Variants in XPO1 observed in about 807,000 individuals in gnomAD.
XPO1 encodes exportin 1.
A neutral mutation model predicts 133.3 loss-of-function variants in XPO1; 5 were observed. That is an observed-to-expected ratio of 0.04 (90% CI 0.02 to 0.08). XPO1 has a LOEUF of 0.08. XPO1 is among the 10% of genes least tolerant of loss of function. The probability of loss-of-function intolerance (pLI) is 1.00; values close to 1 mark genes in which losing one functional copy is unlikely to be tolerated. For synonymous variants in XPO1, 419 were observed against 408.2 expected (o/e 1.03, Z -0.32); for missense variants, 506 against 1,267.5 (o/e 0.40, Z 9.12).
chr2:61,517,947 C>T (rs186303028), intron 4 of XPO1, among the ~76,000 whole-genome samples: 5 of 151,710 alleles, frequency 3.3e-5, no homozygotes, highest in African/African-American at 1.2e-4. Flanking sequence ...GTCAACATGG[C>T]GAAACCCTGT....
At chr2:61,535,432 T>G (rs1300575241) in intron 1 of XPO1, among the ~76,000 whole-genome samples, 1 of 152,216 alleles carries the variant, frequency 6.6e-6, no homozygotes, top group Non-Finnish European at 1.5e-5. Context: ...TTAGGAACTT[T>G]CGTGGACCAG....
intron 19 of XPO1, among the ~76,000 whole-genome samples, chr2:61,487,732 A>G (rs1347838666): frequency 6.6e-6 from 1 of 152,224 alleles, no homozygotes; most frequent in African/African-American, 2.4e-5. Context: ...TCTGCAAATC[A>G]TTTAGGAAAA....
Position 61,478,605 on chromosome 2 carries a change from C to T in XPO1, c.*215G>A, listed in dbSNP as rs1177936086. ...TTTTTAAAAATGCCTTAATTTTCAA[C>T]TTCATGCAAACTAAATAAAGATGAC... On this transcript the variant is annotated 3_prime_UTR_variant, in exon 25 of 25. Coordinates refer to ENST00000401558, the MANE Select transcript of XPO1 (RefSeq NM_003400.4). 7.9e-6 allele frequency: 4 copies of T among 505,080 alleles called. No individual in the cohort carries two copies. Among genetic ancestry groups the T allele is most frequent in the South Asian group, 1.1e-4 (2 of 18,658 alleles). The allele number at this position is 505,080 out of a possible 1,614,324, so 31.3% of individuals were successfully genotyped here. A position where few individuals can be genotyped will look rare whatever the true frequency, so the allele number is the denominator to read the frequency against.
chr2:61,482,238 C>A, intron 23 of XPO1, 142 bp downstream of exon 23: 6 of 374,874 alleles, frequency 1.6e-5, no homozygotes, highest in Non-Finnish European at 2.3e-5. Flanking sequence ...GAGACGGGAT[C>A]TTGTTTTGTT....
rs1465064666 is a variant in XPO1 at position 61,537,777 on chromosome 2, A to ACC, written c.-223_-222insGG. ...AACACACACACACACACACACACAC[A>ACC]CACACACCCGCCCCCCCCCAAAAGG... On this transcript the variant is annotated 5_prime_UTR_variant, in exon 1 of 25. Coordinates refer to ENST00000401558, the MANE Select transcript of XPO1 (RefSeq NM_003400.4). The ACC allele has an allele frequency of 2.7e-5, 4 of 147,870 alleles. No homozygotes were observed. Among genetic ancestry groups the ACC allele is most frequent in the Admixed American group, 7.0e-5 (1 of 14,196 alleles). 9.2% of individuals were successfully genotyped at this position (147,870 alleles called of 1,614,324 possible).
intron 2 of XPO1, among the ~76,000 whole-genome samples, chr2:61,529,586 C>T (rs575750365): frequency 3.3e-5 from 5 of 151,148 alleles, no homozygotes; most frequent in African/African-American, 9.7e-5. Flanking sequence ...AACCAGGACC[C>T]GGAAGGCGGA....
intron 6 of XPO1, among the ~76,000 whole-genome samples, chr2:61,501,399 G>A (rs1697509800): frequency 6.6e-6 from 1 of 152,046 alleles, no homozygotes; most frequent in Admixed American, 6.6e-5. Flanking sequence ...TACATGCAAA[G>A]GAAATATGCA....
At chr2:61,499,668 G>A (rs1475568021) in intron 7 of XPO1, 45 bp downstream of exon 7, 7 of 1,502,794 alleles carry the variant, frequency 4.7e-6, no homozygotes, top group Non-Finnish European at 6.2e-6. Flanking sequence ...GCTTGAAATT[G>A]TTTGAGAAAT....
intron 4 of XPO1, among the ~76,000 whole-genome samples, chr2:61,503,403 G>A (rs1422117060): frequency 1.3e-5 from 2 of 151,822 alleles, no homozygotes; most frequent in African/African-American, 4.8e-5. Flanking sequence ...TGGGATTACA[G>A]GCACGCACCA....
At chr2:61,526,302 A>C (rs1157277994) in intron 3 of XPO1, 118 bp downstream of exon 3, 1 of 1,456,978 alleles carries the variant, frequency 6.9e-7, no homozygotes, top group African/African-American at 1.5e-5. Context: ...TTTGAAACAA[A>C]TTAACAATAT....
intron 6 of XPO1, 129 bp from the exon 7 acceptor site, chr2:61,500,023 T>C: frequency 1.1e-6 from 1 of 933,602 alleles, no homozygotes; most frequent in East Asian, 2.7e-5. Flanking sequence ...TCCTCCTTTA[T>C]TAAAGGAAGA....
intron 4 of XPO1, among the ~76,000 whole-genome samples, chr2:61,513,546 A>T (rs1698203425): frequency 6.6e-6 from 1 of 151,168 alleles, no homozygotes; most frequent in African/African-American, 2.4e-5. Flanking sequence ...GCTCGTCTCG[A>T]ACTGCTGACC....
chr2:61,499,758 G>C lies in XPO1; in HGVS notation c.545C>G (p.Ser182Cys), dbSNP rs778675698. 51 of 1,609,412 alleles carry C rather than the reference G, an allele frequency of 3.2e-5. No individual in the cohort carries two copies. The highest frequency in any genetic ancestry group is 4.3e-5 in the Non-Finnish European group (51 of 1,179,218). ...TTTGACTTGGGTTATCTGTCCACTA[G>C]AGAAATCAAATACTTCTTCACTCAA... is the stretch of plus-strand genomic sequence containing the variant. ...KLLSEEVFDF[S>C]SGQITQVKSK... Residue 182 changes from serine to cysteine, a missense_variant, in exon 7 of 25, where the codon TCT (serine) becomes TGT (cysteine). Ser to Cys is a moderately radical substitution (Grantham distance 112, BLOSUM62 -1). Around this residue, in one of 6 missense-constraint regions of XPO1, gnomAD observed 68 missense variants for 210.5 expected, o/e 0.32. Coordinates refer to ENST00000401558, the MANE Select transcript of XPO1 (RefSeq NM_003400.4).
At chr2:61,502,354 T>G in intron 4 of XPO1, 44 bp from the exon 5 acceptor site, 2 of 1,556,828 alleles carry the variant, frequency 1.3e-6, no homozygotes, top group Non-Finnish European at 1.8e-6. Context: ...TTGAGCTCTT[T>G]TGTAGCATGC....
intron 24 of XPO1, chr2:61,480,482 T>G (rs998104274): frequency 6.6e-6 from 1 of 151,872 alleles, no homozygotes; most frequent in African/African-American, 2.4e-5. Context: ...GGTTTCACCA[T>G]GTTGGCCGTG....
Position 61,492,008 on chromosome 2 carries a change from A to G in XPO1, c.1887+27T>C, listed in dbSNP as rs200003561. 19 of 1,609,666 alleles carry G rather than the reference A, an allele frequency of 1.2e-5. No homozygotes were observed. The African/African-American group carries it at 2.5e-4, about 22-fold the overall frequency. ...TTGATACAAGTGTTACTTTCTAAAA[A>G]TAACATATGCTCAGTGCTTAACATA... On this transcript the variant is annotated intron_variant, in intron 16 of 24. Transcript: ENST00000401558. The surrounding 1 kb of genome is among the most constrained non-coding windows in gnomAD (Gnocchi z 5.6).
upstream of XPO1, chr2:61,538,510 T>C (rs866248900): frequency 1.8e-4 from 28 of 152,758 alleles, no homozygotes; most frequent in Middle Eastern, 9.9e-3. Flanking sequence ...AGCAGCGATT[T>C]GCCCGCAGAG....
chr2:61,530,170 C>T (rs2104814288), intron 2 of XPO1, among the ~76,000 whole-genome samples: 1 of 152,214 alleles, frequency 6.6e-6, no homozygotes, highest in East Asian at 1.9e-4. Flanking sequence ...GTCAAGTTAC[C>T]ATTTTGTCAG....
intron 2 of XPO1, among the ~76,000 whole-genome samples, chr2:61,526,810 C>T (rs1042231911): frequency 6.6e-6 from 1 of 151,490 alleles, no homozygotes; most frequent in South Asian, 2.1e-4. Context: ...TGGGTTCAAG[C>T]GATTCTCCCG....
Sources: allele counts gnomAD v4.1 joint callset (sites outside exome capture counted in the v4.1 genomes callset), GRCh38; gene constraint gnomAD v4.1.1; regional missense constraint gnomAD v4.1.1; non-coding constraint Gnocchi (gnomAD v3.1); transcripts MANE v1.5; gene names NCBI Gene and HGNC (gene_info 2026-07-23, HGNC 2026-07-21).